RHNO1: variants seen among roughly 807,000 people sequenced by gnomAD.
RHNO1 encodes the protein RAD9-HUS1-RAD1 interacting nuclear orphan 1.
A neutral mutation model predicts 7.2 loss-of-function variants in RHNO1; 9 were observed. That is an observed-to-expected ratio of 1.25 (90% CI 0.75 to 2.18). The LOEUF is 2.18. Among genes scored for constraint, RHNO1 ranks in the 30% most tolerant of loss-of-function variants. The pLI is 0.00. For missense variants in RHNO1, 292 were observed against 284.5 expected, an observed-to-expected ratio of 1.03 and a Z score of -0.19; for synonymous variants, 95 against 107.5, an observed-to-expected ratio of 0.88 and a Z score of 0.72.
chr12:2,888,455 G>C lies in RHNO1; in HGVS notation c.713G>C (p.Ser238Thr). 1.9e-6 allele frequency: 3 copies of C among 1,558,112 alleles called. No individual in the cohort carries two copies. In the South Asian group the frequency reaches 3.6e-5, roughly 19 times the overall value. Residue 238 changes from serine (S) to threonine (T), a missense_variant, in exon 3 of 3, where the codon AGC (serine) becomes ACC (threonine). By Grantham distance (58) the Ser-to-Thr change is moderately conservative (BLOSUM62 1). Coordinates refer to ENST00000489288, the MANE Select transcript of RHNO1 (RefSeq NM_001252499.3). ...AGCAGAAGCCAATTCCTTGTGAAAA[G>C]CTGACTGCCATCAGTAATCTCAATA... ...KLSRSQFLVKS is the reference protein window; with the variant it reads ...KLSRSQFLVKT
intron 1 of RHNO1, among the ~76,000 whole-genome samples, chr12:2,884,065 T>G (rs1033336392): frequency 1.3e-5 from 2 of 151,996 alleles, no homozygotes; most frequent in African/African-American, 2.4e-5. Context: ...TTTATTTGTT[T>G]GTTTGTTTGT....
intron 1 of RHNO1, among the ~76,000 whole-genome samples, chr12:2,883,514 T>TATATATATATATAGA: frequency 2.9e-5 from 1 of 34,658 alleles, no homozygotes; most frequent in South Asian, 1.2e-3. Flanking sequence ...TATATATATT[T>TATATATATATATAGA]TTTTTTTTTT....
chr12:2,879,461 T>C (rs546314532), intron 1 of RHNO1, among the ~76,000 whole-genome samples: 2 of 151,976 alleles, frequency 1.3e-5, no homozygotes, highest in African/African-American at 4.8e-5. Context: ...GCCTCCTGAG[T>C]AGCTGGGACT....
In RHNO1 at chr12:2,888,212, T is replaced by A. The variant is rs2098167901; in HGVS notation, c.470T>A (p.Ile157Asn). 1 of 1,613,960 alleles carries A rather than the reference T, an allele frequency of 6.2e-7. No homozygotes were observed. Among genetic ancestry groups the A allele is most frequent in the South Asian group, 1.1e-5 (1 of 91,078 alleles). The change falls in exon 3 of 3, where the codon ATC becomes AAC. Residue 157 changes from isoleucine (I) to asparagine (N), a missense_variant. Ile to Asn is a moderately radical substitution (Grantham distance 149). Coordinates refer to ENST00000489288, the MANE Select transcript of RHNO1 (RefSeq NM_001252499.3). ...SLPYVFIPPD[I>N]QTPESSSVKE... ...CCTTATGTGTTCATTCCACCTGATA[T>A]CCAGACCCCAGAGTCATCGTCTGTG...
chr12:2,882,278 C>CAATAAATAAATA lies in RHNO1; in HGVS notation c.-84-2978_-84-2967dup, dbSNP rs57480121. On this transcript the variant is annotated intron_variant, in intron 1 of 2. Coordinates refer to ENST00000489288, the MANE Select transcript of RHNO1 (RefSeq NM_001252499.3). Reference sequence around the variant, plus strand: ...GCAACAAAGCAAGACCCTGTCTCTACAATAAATAAATAAATAAATAAATAA... The same window carrying CAATAAATAAATA: ...GCAACAAAGCAAGACCCTGTCTCTACAATAAATAAATAAATAAATAAATAAATAAATAAATAA... Among the ~76,000 whole-genome samples the CAATAAATAAATA allele has an allele frequency of 8.8e-4, 129 of 147,040 alleles. 1 individual carries two copies. The highest frequency in any genetic ancestry group is 2.0e-3 in the South Asian group (9 of 4,600).
At chr12:2,887,890 C>T in intron 2 of RHNO1, 21 bp from the exon 3 acceptor site, 1 of 1,433,400 alleles carries the variant, frequency 7.0e-7, no homozygotes. Context: ...AGGCTCACCT[C>T]ACTTTTTTTT....
intron 2 of RHNO1, 79 bp downstream of exon 2, chr12:2,885,613 C>G (rs956649048): frequency 7.9e-7 from 1 of 1,262,758 alleles, no homozygotes; most frequent in African/African-American, 1.8e-5. Context: ...CTCGCTCTAT[C>G]GCCCAGGCTG....
At chr12:2,883,999 G>A (rs1004062587) in intron 1 of RHNO1, among the ~76,000 whole-genome samples, 16 of 151,980 alleles carry the variant, frequency 1.1e-4, no homozygotes, top group African/African-American at 3.6e-4. Flanking sequence ...TAAAAGCCAG[G>A]TGGGATCAAA....
chr12:2,879,608 A>G (rs1037075017), intron 1 of RHNO1, among the ~76,000 whole-genome samples: 1 of 151,866 alleles, frequency 6.6e-6, no homozygotes, highest in Non-Finnish European at 1.5e-5. Flanking sequence ...TGCTGGGATT[A>G]CAGGCGTGAG....
chr12:2,881,275 G>C (rs2098157224), intron 1 of RHNO1, among the ~76,000 whole-genome samples: 1 of 151,474 alleles, frequency 6.6e-6, no homozygotes, highest in Non-Finnish European at 1.5e-5. Context: ...GCTAATTTTT[G>C]TATTTTTAGT....
rs778355470 is a variant in RHNO1, at chr12:2,885,340, T to TACTA, written c.-23_-20dup. On this transcript the variant is annotated 5_prime_UTR_variant, in exon 2 of 3. Coordinates refer to ENST00000489288, the MANE Select transcript of RHNO1 (RefSeq NM_001252499.3). ...CCGAAGGCTAACAGCATCATGTGGTTACTAACTGTTCCTCATTCACCGGTT... is the reference window on the plus strand; with the variant it reads ...CCGAAGGCTAACAGCATCATGTGGTTACTAACTAACTGTTCCTCATTCACCGGTT... 2 of 1,605,970 alleles carry TACTA rather than the reference T, an allele frequency of 1.2e-6. No individual in the cohort carries two copies. The highest frequency in any genetic ancestry group is 1.7e-6 in the Non-Finnish European group (2 of 1,175,752).
rs564408978 is a variant in RHNO1 at position 2,889,463 on chromosome 12, G to T, written c.*1004G>T. 3.3e-5 allele frequency: 5 copies of T among 152,270 alleles called. 1 individual carries two copies. The East Asian group carries it at 9.6e-4, about 29-fold the overall frequency. 9.4% of individuals were successfully genotyped at this position (152,270 alleles called of 1,614,324 possible). A position where few individuals can be genotyped will look rare whatever the true frequency, so the allele number is the denominator to read the frequency against. ...TGCAGAAGGACTTCCCCAGTCAACC[G>T]AATGTCTCGGCCTTTTACTCAGACA... On this transcript the variant is annotated 3_prime_UTR_variant, in exon 3 of 3. Coordinates refer to ENST00000489288, the MANE Select transcript of RHNO1 (RefSeq NM_001252499.3).
intron 1 of RHNO1, among the ~76,000 whole-genome samples, chr12:2,884,860 G>A (rs1314260451): frequency 6.6e-6 from 1 of 152,010 alleles, no homozygotes; most frequent in Non-Finnish European, 1.5e-5. Flanking sequence ...TTTCTTCTAT[G>A]CCTTTCATAC....
At chr12:2,880,333 C>G (rs141444145) in intron 1 of RHNO1, among the ~76,000 whole-genome samples, 1,820 of 151,426 alleles carry the variant, frequency 0.012, 64 homozygotes, top group African/African-American at 0.042. Context: ...TAAAAATGTT[C>G]AGGCTGGGCG....
At chr12:2,886,667 A>G (rs867499497) in intron 2 of RHNO1, among the ~76,000 whole-genome samples, 245 of 151,840 alleles carry the variant, frequency 1.6e-3, no homozygotes, top group African/African-American at 5.4e-3. Context: ...AAAAAAAAAA[A>G]AAAAAAAAAA....
At chr12:2,886,747 A>T (rs1184996079) in intron 2 of RHNO1, among the ~76,000 whole-genome samples, 1 of 152,188 alleles carries the variant, frequency 6.6e-6, no homozygotes, top group Non-Finnish European at 1.5e-5. Context: ...GCCAGACAAA[A>T]GCATAAGCTT....
intron 1 of RHNO1, among the ~76,000 whole-genome samples, chr12:2,882,277 A>G (rs1330117605): frequency 8.1e-6 from 1 of 123,652 alleles, no homozygotes; most frequent in Non-Finnish European, 1.6e-5. Context: ...CCCTGTCTCT[A>G]CAATAAATAA....
intron 1 of RHNO1, among the ~76,000 whole-genome samples, chr12:2,883,790 A>G (rs568403750): frequency 6.6e-6 from 1 of 151,950 alleles, no homozygotes; most frequent in African/African-American, 2.4e-5. Context: ...TGCTGGGATT[A>G]CAGGCATGAG....
rs10558952 is a variant in RHNO1, at chr12:2,885,561, A to ATTTTT, written c.168+54_168+58dup. The stretch of plus-strand genomic sequence containing the variant: ...TAGGCCCATGGGATTACTATTTGAC[A>ATTTTT]TTTTTTTTTTTTTTTTTTTTTTTTT... On this transcript the variant is annotated intron_variant, in intron 2 of 2. Transcript: ENST00000489288. The ATTTTT allele has an allele frequency of 2.5e-4, 101 of 399,222 alleles. 1 individual carries two copies. Among genetic ancestry groups the ATTTTT allele is most frequent in the African/African-American group, 9.0e-4 (14 of 15,492 alleles). The allele number at this position is 399,222 out of a possible 1,614,324, so 24.7% of individuals were successfully genotyped here.
Sources: gnomAD v4.1 joint callset for allele counts (sites outside exome capture counted in the v4.1 genomes callset) on GRCh38, gnomAD v4.1.1 for gene constraint, MANE v1.5 for transcripts, NCBI Gene and HGNC (gene_info 2026-07-23, HGNC 2026-07-21) for gene names.